Variants in SV2C observed in about 807,000 individuals in gnomAD.
SV2C encodes solute carrier family 22 member B3.
Under a neutral mutation model 79.7 loss-of-function variants are expected in SV2C, and 49 were observed. That is an observed-to-expected ratio of 0.61 (90% CI 0.49 to 0.78). The LOEUF is 0.78. SV2C is among the 30% of genes least tolerant of loss of function. The pLI, the probability that SV2C is intolerant of heterozygous loss-of-function variation, is 0.00. For missense variants in SV2C, 833 were observed against 912.9 expected, an observed-to-expected ratio of 0.91 and a Z score of 1.13; for synonymous variants, 334 against 333.2, an observed-to-expected ratio of 1.00 and a Z score of -0.03.
intron 1 of SV2C, among the ~76,000 whole-genome samples, chr5:76,111,472 GTCCTTCTCCCT>G (rs1561219738): frequency 6.6e-6 from 1 of 152,128 alleles, no homozygotes; most frequent in Non-Finnish European, 1.5e-5. Context: ...AATGTATTTT[GTCCTTCTCCCT>G]CCACCCTGAA....
chr5:76,351,564 C>T (rs1017406457), intron 12 of SV2C, among the ~76,000 whole-genome samples: 1 of 152,174 alleles, frequency 6.6e-6, no homozygotes, highest in African/African-American at 2.4e-5. Flanking sequence ...AAATTGGATG[C>T]CAGGCTGCAT....
At chr5:76,070,404 C>A in the SV2C span, among the ~76,000 whole-genome samples, 2 of 152,172 alleles carry the variant, frequency 1.3e-5, no homozygotes, top group African/African-American at 2.4e-5. Context: ...AAGGTTAAGG[C>A]ACTCTGTAAG....
the SV2C span, among the ~76,000 whole-genome samples, chr5:76,074,323 G>A: frequency 6.6e-6 from 1 of 152,278 alleles, no homozygotes; most frequent in African/African-American, 2.4e-5. Context: ...GGTAATGGTA[G>A]CTCTTCTTCC....
At chr5:75,987,278 T>C in the SV2C span, among the ~76,000 whole-genome samples, 1 of 151,972 alleles carries the variant, frequency 6.6e-6, no homozygotes, top group African/African-American at 2.4e-5. Context: ...CACTTCCAGC[T>C]GGGGGTAGCT....
Position 76,085,407 on chromosome 5 carries a change from C to T in SV2C, c.-102+1895C>T, listed in dbSNP as rs116342178. 6.7e-3 allele frequency among the ~76,000 whole-genome samples: 1,013 copies of T among 152,280 alleles called. 12 individuals are homozygous for T. Among genetic ancestry groups the T allele is most frequent in the African/African-American group, 0.023 (969 of 41,560 alleles). On this transcript the variant is annotated intron_variant, in intron 1 of 12. Transcript: ENST00000502798. ...TCTGGTGGAAAATAATAAATCAAAT[C>T]CACGATCCATTTTATTCTTTTTTTT...
At chr5:75,893,994 T>C in the SV2C span, among the ~76,000 whole-genome samples, 1 of 152,074 alleles carries the variant, frequency 6.6e-6, no homozygotes, top group African/African-American at 2.4e-5. Context: ...GGGAACCAGA[T>C]CATGGAGAAT....
the SV2C span, chr5:76,075,882 CA>C: frequency 4.5e-6 from 1 of 222,724 alleles, no homozygotes; most frequent in East Asian, 1.1e-4. Flanking sequence ...ATTACTCCTC[CA>C]AACCAGGCAC....
rs1459787808 is a variant in SV2C at position 76,332,131 on chromosome 5, A to C, written c.*6584A>C. ...CTTCCAGTCAGGTCTGAATGCTGAA[A>C]TTGCTGAGATTGTCCACTCTCTGCC... On this transcript the variant is annotated 3_prime_UTR_variant, in exon 13 of 13. Transcript: ENST00000502798. 6.6e-6 allele frequency: 1 copy of C among 152,188 alleles called. No individual in the cohort carries two copies. Among genetic ancestry groups the C allele is most frequent in the African/African-American group, 2.4e-5 (1 of 41,426 alleles). 9.4% of individuals were successfully genotyped at this position (152,188 alleles called of 1,614,324 possible).
At chr5:76,013,657 G>A in the SV2C span, among the ~76,000 whole-genome samples, 48 of 152,178 alleles carry the variant, frequency 3.2e-4, 1 homozygote, top group African/African-American at 1.2e-3. Flanking sequence ...CCTAAACATA[G>A]TGAAAAGGAG....
chr5:76,273,146 GATATATATATAT>G lies in SV2C; in HGVS notation c.914-12002_914-11991del, dbSNP rs369657969. Among the ~76,000 whole-genome samples the G allele has an allele frequency of 4.9e-4, 63 of 129,104 alleles. 1 individual carries two copies. Among genetic ancestry groups the G allele is most frequent in the African/African-American group, 1.7e-3 (58 of 34,540 alleles). 84.7% of individuals were successfully genotyped at this position (129,104 alleles called of 152,430 possible). A position where few individuals can be genotyped will look rare whatever the true frequency, so the allele number is the denominator to read the frequency against. Reference sequence around the variant, plus strand: ...TTGCATAAAAATCTTTTACAAAAAAGATATATATATATATATATATATATACACACATATATA... The same window carrying G: ...TTGCATAAAAATCTTTTACAAAAAAGATATATATATATACACACATATATA... On this transcript the variant is annotated intron_variant, in intron 4 of 12. Coordinates refer to ENST00000502798, the MANE Select transcript of SV2C (RefSeq NM_014979.4).
intron 1 of SV2C, among the ~76,000 whole-genome samples, chr5:76,118,998 G>A (rs1222599131): frequency 1.3e-5 from 2 of 152,058 alleles, no homozygotes; most frequent in African/African-American, 4.8e-5. Context: ...GAAAAGAAAA[G>A]GAAAGACATC....
the SV2C span, among the ~76,000 whole-genome samples, chr5:76,002,744 T>C: frequency 6.6e-6 from 1 of 152,134 alleles, no homozygotes; most frequent in Non-Finnish European, 1.5e-5. Flanking sequence ...AGGAAATGTG[T>C]TGTTATCCAA....
the SV2C span, among the ~76,000 whole-genome samples, chr5:75,925,407 C>A: frequency 6.6e-6 from 1 of 152,192 alleles, no homozygotes; most frequent in African/African-American, 2.4e-5. Context: ...TTTCCCAATA[C>A]CCTCATAGGA....
the SV2C span, among the ~76,000 whole-genome samples, chr5:75,966,382 G>A: frequency 6.6e-6 from 1 of 152,084 alleles, no homozygotes; most frequent in Non-Finnish European, 1.5e-5. Flanking sequence ...AAATTTTTAT[G>A]CTACCCTACT....
At chr5:76,022,600 C>T in the SV2C span, among the ~76,000 whole-genome samples, 88 of 152,148 alleles carry the variant, frequency 5.8e-4, no homozygotes, top group Admixed American at 9.8e-4. Context: ...GTACCGGATG[C>T]GGTAACAGGG....
intron 12 of SV2C, among the ~76,000 whole-genome samples, chr5:76,303,004 G>A (rs546277088): frequency 4.7e-4 from 72 of 152,230 alleles, no homozygotes; most frequent in Non-Finnish European, 9.3e-4. Flanking sequence ...TGTATTCTGT[G>A]TGTGTCCTGT....
chr5:76,133,136 A>G (rs1484142451), intron 2 of SV2C, among the ~76,000 whole-genome samples: 1 of 152,216 alleles, frequency 6.6e-6, no homozygotes, highest in East Asian at 1.9e-4. Context: ...GTAGGTAAGA[A>G]GCAAGCATGC....
At chr5:76,130,490 C>T (rs1056693774) in intron 1 of SV2C, among the ~76,000 whole-genome samples, 4 of 152,078 alleles carry the variant, frequency 2.6e-5, no homozygotes, top group Admixed American at 6.6e-5. Flanking sequence ...GTAGAAATGA[C>T]GATTATATAA....
the SV2C span, among the ~76,000 whole-genome samples, chr5:75,871,144 A>G: frequency 6.6e-6 from 1 of 152,228 alleles, no homozygotes; most frequent in Admixed American, 6.5e-5. Context: ...GAAAAAAGGT[A>G]TGTGATCATC....
Sources: gnomAD v4.1 joint callset for allele counts (sites outside exome capture counted in the v4.1 genomes callset) on GRCh38, gnomAD v4.1.1 for gene constraint, MANE v1.5 for transcripts, NCBI Gene and HGNC (gene_info 2026-07-23, HGNC 2026-07-21) for gene names.